SGK3: variants seen among roughly 807,000 people sequenced by gnomAD.
SGK3 encodes serum/glucocorticoid regulated kinase family member 3.
Under a neutral mutation model 68.5 loss-of-function variants are expected in SGK3, and 47 were observed. That is an observed-to-expected ratio of 0.69 (90% CI 0.54 to 0.87). The LOEUF (loss-of-function observed/expected upper bound fraction) is 0.87, where lower values mean the gene tolerates loss of function less well. SGK3 is among the 40% of genes least tolerant of loss of function. SGK3 has a pLI of 0.00. For missense variants in SGK3, 479 were observed against 575.5 expected (o/e 0.83, Z 1.72); for synonymous variants, 181 against 189.1 (o/e 0.96, Z 0.35).
chr8:66,811,198 T>C (rs1209973610), intron 4 of SGK3, among the ~76,000 whole-genome samples: 4 of 152,140 alleles, frequency 2.6e-5, no homozygotes, highest in Non-Finnish European at 5.9e-5. Flanking sequence ...AAAATTTTTT[T>C]GTAGAGACAT....
At chr8:66,774,988 C>T (rs1366480812) in intron 1 of SGK3, among the ~76,000 whole-genome samples, 6 of 152,252 alleles carry the variant, frequency 3.9e-5, no homozygotes, top group Non-Finnish European at 2.9e-5. Flanking sequence ...GGGGTCCTCT[C>T]GTTTTCTGTC....
At chr8:66,726,461 C>T (rs1164685558) in intron 1 of SGK3, among the ~76,000 whole-genome samples, 1 of 152,038 alleles carries the variant, frequency 6.6e-6, no homozygotes, top group African/African-American at 2.4e-5. Flanking sequence ...AACAAATAAC[C>T]CATAGTACCA....
intron 1 of SGK3, among the ~76,000 whole-genome samples, chr8:66,743,401 T>A (rs1458765297): frequency 1.3e-5 from 2 of 152,234 alleles, no homozygotes. Context: ...GGATTAGCTC[T>A]GCAATTACGT....
intron 12 of SGK3, 127 bp downstream of exon 12, chr8:66,840,374 A>T (rs1294371227): frequency 1.6e-5 from 15 of 965,018 alleles, no homozygotes; most frequent in Middle Eastern, 3.4e-4. Flanking sequence ...CAAAATGACA[A>T]AACGGTAGGG....
intron 14 of SGK3, among the ~76,000 whole-genome samples, chr8:66,845,611 G>A (rs370196450): frequency 5.3e-5 from 8 of 152,124 alleles, no homozygotes; most frequent in African/African-American, 1.7e-4. Context: ...CTGCAACCTT[G>A]ACTTCCCAGG....
In SGK3 at chr8:66,861,628, A is replaced by G. The variant is rs1157858767; in HGVS notation, c.*2047A>G. The G allele has an allele frequency of 1.3e-5, 2 of 152,172 alleles. No homozygotes were observed. The highest frequency in any genetic ancestry group is 4.8e-5 in the African/African-American group (2 of 41,436). 9.4% of individuals were successfully genotyped at this position (152,172 alleles called of 1,614,324 possible). ...GCATCCCTTCCATGTATGTCTTGAGAAAGAAATCACAGAAGCATTTCTCAC... is the reference window on the plus strand; with the variant it reads ...GCATCCCTTCCATGTATGTCTTGAGGAAGAAATCACAGAAGCATTTCTCAC... On this transcript the variant is annotated 3_prime_UTR_variant, in exon 17 of 17. Coordinates refer to ENST00000521198, the MANE Select transcript of SGK3 (RefSeq NM_001033578.3).
chr8:66,737,725 C>T (rs1805366565), intron 1 of SGK3: 1 of 151,924 alleles, frequency 6.6e-6, no homozygotes, highest in Non-Finnish European at 1.5e-5. Flanking sequence ...AAGTGATTCC[C>T]TTGCCTCAGC....
intron 1 of SGK3, among the ~76,000 whole-genome samples, chr8:66,792,829 G>C (rs1215571530): frequency 6.6e-6 from 1 of 152,186 alleles, no homozygotes; most frequent in Admixed American, 6.5e-5. Flanking sequence ...CTTGAGCCTA[G>C]GAGTTTGAGG....
chr8:66,737,088 CT>C (rs74720974), intron 1 of SGK3: 3,633 of 143,680 alleles, frequency 0.025, 71 homozygotes, highest in African/African-American at 0.062. Flanking sequence ...AATAATATTC[CT>C]TTTTTTTTTT....
chr8:66,744,519 AT>A lies in SGK3; in HGVS notation c.-122+31712del, dbSNP rs55684607. On this transcript the variant is annotated intron_variant, in intron 1 of 16. Coordinates refer to ENST00000521198, the MANE Select transcript of SGK3 (RefSeq NM_001033578.3). The stretch of plus-strand genomic sequence containing the variant: ...TATATATATATATATATATATATAT[AT>A]TTTTTTTTTTTTTTTTTTTTTTTTT... Among the ~76,000 whole-genome samples, 132 of 21,200 alleles carry A rather than the reference AT, an allele frequency of 6.2e-3. 1 individual carries two copies. Among genetic ancestry groups the A allele is most frequent in the East Asian group, 0.013 (7 of 560 alleles). 13.9% of individuals were successfully genotyped at this position (21,200 alleles called of 152,430 possible).
At chr8:66,780,144 A>G (rs1456342600) in intron 1 of SGK3, among the ~76,000 whole-genome samples, 1 of 152,228 alleles carries the variant, frequency 6.6e-6, no homozygotes, top group East Asian at 1.9e-4. Flanking sequence ...TTAAGATACC[A>G]TAGCATATTA....
At chr8:66,782,885 G>A (rs1292058838) in intron 1 of SGK3, among the ~76,000 whole-genome samples, 1 of 152,192 alleles carries the variant, frequency 6.6e-6, no homozygotes, top group Non-Finnish European at 1.5e-5. Flanking sequence ...ACCTATAGTA[G>A]GGCATCTTGG....
In SGK3 at chr8:66,801,272, A is replaced by G. The variant is rs116193107; in HGVS notation, c.180+2647A>G. ...GCACTCAAAAAGTTATTGGTTTTGG[A>G]GCATTTCAGATTTTCAGATTTGTGA... On this transcript the variant is annotated intron_variant, in intron 3 of 16. Transcript: ENST00000521198. 7.8e-3 allele frequency among the ~76,000 whole-genome samples: 1,195 copies of G among 152,294 alleles called. 9 individuals carry two copies. The highest frequency in any genetic ancestry group is 0.024 in the Middle Eastern group (7 of 294).
intron 4 of SGK3, among the ~76,000 whole-genome samples, chr8:66,809,296 A>G (rs954622681): frequency 2.6e-5 from 4 of 152,216 alleles, no homozygotes; most frequent in Non-Finnish European, 5.9e-5. Context: ...TCCCTCTCAA[A>G]GGAACCAGAG....
At chr8:66,780,643 C>G (rs1806934639) in intron 1 of SGK3, among the ~76,000 whole-genome samples, 1 of 152,080 alleles carries the variant, frequency 6.6e-6, no homozygotes, top group Non-Finnish European at 1.5e-5. Context: ...GGAGTTTGTT[C>G]TGGTATGAGT....
intron 4 of SGK3, among the ~76,000 whole-genome samples, chr8:66,813,501 A>C (rs1467574646): frequency 6.6e-6 from 1 of 151,900 alleles, no homozygotes; most frequent in Non-Finnish European, 1.5e-5. Context: ...ATTTTTATTC[A>C]TTGTTTGGTA....
intron 2 of SGK3, among the ~76,000 whole-genome samples, chr8:66,798,089 C>T (rs571473621): frequency 2.6e-5 from 4 of 151,844 alleles, no homozygotes; most frequent in South Asian, 2.1e-4. Flanking sequence ...CTCACTACAG[C>T]GTCGACTTAC....
chr8:66,767,448 C>G (rs777678203), intron 1 of SGK3: 8 of 1,408,512 alleles, frequency 5.7e-6, no homozygotes, highest in Non-Finnish European at 8.0e-6. Flanking sequence ...CCAGGGTCAA[C>G]AGAATGCTTA....
chr8:66,807,030 A>T (rs1235876597), intron 4 of SGK3, among the ~76,000 whole-genome samples: 1 of 152,106 alleles, frequency 6.6e-6, no homozygotes, highest in Non-Finnish European at 1.5e-5. Context: ...AGCAGAGGAG[A>T]GACTGGGAGA....
Sources: gnomAD v4.1 joint callset for allele counts (sites outside exome capture counted in the v4.1 genomes callset) on GRCh38, gnomAD v4.1.1 for gene constraint, MANE v1.5 for transcripts, NCBI Gene and HGNC (gene_info 2026-07-23, HGNC 2026-07-21) for gene names.